The following NFIA variants were observed in gnomAD, a reference collection of about 807,000 sequenced individuals.
NFIA encodes the protein nuclear factor 1 A-type.
Under a neutral mutation model 62.8 loss-of-function variants are expected in NFIA, and 8 were observed. The observed-to-expected ratio is 0.13, with a 90% CI of 0.07 to 0.23. The LOEUF (loss-of-function observed/expected upper bound fraction) is 0.23, where lower values mean the gene tolerates loss of function less well. Among genes scored for constraint, NFIA ranks in the 10% least tolerant of loss-of-function variants. The pLI is 1.00. For missense variants in NFIA, 410 were observed against 642.1 expected (o/e 0.64, Z 3.91); for synonymous variants, 235 against 238.1 (o/e 0.99, Z 0.12).
chr1:61,192,896 C>G (rs1287353999), intron 2 of NFIA, among the ~76,000 whole-genome samples: 3 of 152,072 alleles, frequency 2.0e-5, no homozygotes, highest in Non-Finnish European at 4.4e-5. Context: ...AAGTAGATGA[C>G]CAACATTCCG....
intron 2 of NFIA, among the ~76,000 whole-genome samples, chr1:61,245,068 G>C (rs1033393885): frequency 6.6e-6 from 1 of 152,262 alleles, no homozygotes; most frequent in Admixed American, 6.5e-5. Flanking sequence ...TAGAAAAATG[G>C]CTGGGATGAA....
chr1:61,406,552 C>CCA lies in NFIA; in HGVS notation c.1255-9_1255-8insAC. ...TGTACGTGTGTTTTCTGCCCCCCCC[C>CCA]CCCCCACAGCCCAATGGGAGCAGCC... On this transcript the variant is annotated splice_polypyrimidine_tract_variant and intron_variant, in intron 8 of 10. Coordinates refer to ENST00000403491, the MANE Select transcript of NFIA (RefSeq NM_001134673.4). 2.4e-6 allele frequency: 3 copies of CCA among 1,250,838 alleles called. No homozygotes were observed. In the South Asian group the frequency reaches 4.4e-5, roughly 18 times the overall value. The allele number at this position is 1,250,838 out of a possible 1,614,324, so 77.5% of individuals were successfully genotyped here.
chr1:61,108,047 C>CTAAG (rs1646633817), intron 2 of NFIA, among the ~76,000 whole-genome samples: 1 of 151,684 alleles, frequency 6.6e-6, no homozygotes, highest in South Asian at 2.1e-4. Context: ...TTTTCACTTA[C>CTAAG]TAAGCCCTTA....
At chr1:61,363,282 G>A (rs1035720126) in intron 6 of NFIA, among the ~76,000 whole-genome samples, 2 of 152,128 alleles carry the variant, frequency 1.3e-5, no homozygotes, top group Non-Finnish European at 2.9e-5. Context: ...GCATTTTAGG[G>A]TCTCATGTCC....
intron 2 of NFIA, among the ~76,000 whole-genome samples, chr1:61,096,371 G>C (rs1646413226): frequency 6.6e-6 from 1 of 151,388 alleles, no homozygotes. Context: ...GCACCCCCAT[G>C]CATGTAATTT....
intron 2 of NFIA, among the ~76,000 whole-genome samples, chr1:61,192,632 G>A (rs1651717591): frequency 6.6e-6 from 1 of 151,952 alleles, no homozygotes. Flanking sequence ...GAACTGGGGA[G>A]GCGGAGGTTG....
chr1:61,175,900 G>A (rs1650310596), intron 2 of NFIA, among the ~76,000 whole-genome samples: 1 of 152,158 alleles, frequency 6.6e-6, no homozygotes, highest in South Asian at 2.1e-4. Context: ...ATAGTCCAGG[G>A]GAGAAAGAAA....
intron 2 of NFIA, among the ~76,000 whole-genome samples, chr1:61,146,318 A>G (rs1418812765): frequency 1.3e-5 from 2 of 152,030 alleles, no homozygotes; most frequent in African/African-American, 4.8e-5. Flanking sequence ...CATTCTGGAC[A>G]TTAGGATATA....
chr1:61,089,818 T>TCTC (rs1646288284), intron 2 of NFIA, among the ~76,000 whole-genome samples: 1 of 151,958 alleles, frequency 6.6e-6, no homozygotes, highest in South Asian at 2.1e-4. Context: ...GATAGCCTGT[T>TCTC]CTCTATTATT....
intron 3 of NFIA, among the ~76,000 whole-genome samples, chr1:61,313,246 G>T (rs1373140906): frequency 1.3e-5 from 2 of 152,200 alleles, no homozygotes; most frequent in Non-Finnish European, 2.9e-5. Context: ...AATATCTGAG[G>T]CTGGGTAATT....
chr1:61,449,010 G>T (rs1041687103), intron 10 of NFIA, among the ~76,000 whole-genome samples: 4 of 152,216 alleles, frequency 2.6e-5, no homozygotes, highest in Admixed American at 6.5e-5. Context: ...CCAAACGGAG[G>T]TCTTGGCTGG....
intron 9 of NFIA, among the ~76,000 whole-genome samples, chr1:61,407,163 G>T (rs866202687): frequency 1.4e-4 from 21 of 152,154 alleles, no homozygotes; most frequent in Admixed American, 2.0e-4. Context: ...TCAAATAGGA[G>T]AAAATGTCTA....
At chr1:61,398,502 G>A (rs1438512033) in intron 7 of NFIA, among the ~76,000 whole-genome samples, 2 of 152,160 alleles carry the variant, frequency 1.3e-5, no homozygotes, top group East Asian at 3.9e-4. Flanking sequence ...GTGGCATAAA[G>A]TTACTTTGTC....
chr1:61,216,605 C>G (rs1421915836), intron 2 of NFIA, among the ~76,000 whole-genome samples: 1 of 152,130 alleles, frequency 6.6e-6, no homozygotes, highest in South Asian at 2.1e-4. Flanking sequence ...GCCTCTGAGA[C>G]ACATGTTTGA....
rs765101830 is a variant in NFIA, at chr1:61,383,253, C to A, written c.963C>A (p.Thr321=). 6.2e-7 allele frequency: 1 copy of A among 1,614,020 alleles called. No individual in the cohort carries two copies. Among genetic ancestry groups the A allele is most frequent in the South Asian group, 1.1e-5 (1 of 91,072 alleles). The stretch of plus-strand genomic sequence containing the variant: ...TCTTGCCAGGAATGCCATCTCCAAC[C>A]ACACTGAAGAAGTCGGAGAAGTCTG... ...HEVEPGMPSP[T]TLKKSEKSGF... Residue 321 remains threonine, a synonymous_variant, in exon 7 of 11, where the codon ACC becomes ACA. Transcript: ENST00000403491.
At chr1:61,444,600 T>C (rs1667726945) in intron 10 of NFIA, among the ~76,000 whole-genome samples, 1 of 152,220 alleles carries the variant, frequency 6.6e-6, no homozygotes, top group South Asian at 2.1e-4. Flanking sequence ...GTTGATGCAG[T>C]AGAACAGGAA....
intron 2 of NFIA, among the ~76,000 whole-genome samples, chr1:61,132,225 TCA>T (rs1647094497): frequency 6.6e-6 from 1 of 152,144 alleles, no homozygotes; most frequent in African/African-American, 2.4e-5. Context: ...GCACTGAACG[TCA>T]AGCCAGCCTG....
chr1:61,268,974 C>G (rs1000904611), intron 2 of NFIA, among the ~76,000 whole-genome samples: 4 of 152,072 alleles, frequency 2.6e-5, no homozygotes, highest in Non-Finnish European at 4.4e-5. Flanking sequence ...TCCCTTGCCT[C>G]GTTGTTTGGG....
intron 2 of NFIA, among the ~76,000 whole-genome samples, chr1:61,238,042 C>T (rs1411215517): frequency 6.6e-6 from 1 of 152,118 alleles, no homozygotes; most frequent in African/African-American, 2.4e-5. Context: ...AATTAAATGG[C>T]AGAATACTTG....
Sources: allele counts gnomAD v4.1 joint callset (sites outside exome capture counted in the v4.1 genomes callset), GRCh38; gene constraint gnomAD v4.1.1; transcripts MANE v1.5; gene names NCBI Gene and HGNC (gene_info 2026-07-23, HGNC 2026-07-21).